The following UST variants were observed in gnomAD, a reference collection of about 807,000 sequenced individuals.
UST encodes the protein chondroitin sulfate 2-O-sulfotransferase.
In UST, 21 loss-of-function variants were observed where a neutral mutation model predicts 45.6. That is an observed-to-expected ratio of 0.46 (90% CI 0.33 to 0.66). UST has a LOEUF of 0.66. Among genes scored for constraint, UST ranks in the 30% least tolerant of loss-of-function variants. The pLI is 0.02. For missense variants in UST, 463 were observed against 512.4 expected (o/e 0.90, Z 0.93); for synonymous variants, 215 against 200.6 (o/e 1.07, Z -0.61).
At chr6:148,885,375 A>C (rs1022804793) in intron 1 of UST, among the ~76,000 whole-genome samples, 2 of 152,176 alleles carry the variant, frequency 1.3e-5, no homozygotes, top group Non-Finnish European at 2.9e-5. Flanking sequence ...AGGCACAGGC[A>C]GCTATTTTTC....
intron 5 of UST, among the ~76,000 whole-genome samples, chr6:148,977,299 A>T (rs757772021): frequency 0.027 from 4,035 of 151,940 alleles, 139 homozygotes; most frequent in African/African-American, 0.082. Flanking sequence ...ACATAGTTTT[A>T]TTATGTAATA....
intron 7 of UST, among the ~76,000 whole-genome samples, chr6:149,033,856 A>G (rs543196149): frequency 6.6e-6 from 1 of 152,358 alleles, no homozygotes; most frequent in East Asian, 1.9e-4. Flanking sequence ...AAATAGTCCT[A>G]TAAGATGTAT....
intron 7 of UST, among the ~76,000 whole-genome samples, chr6:149,044,319 C>T (rs1480154376): frequency 6.6e-6 from 1 of 150,950 alleles, no homozygotes; most frequent in Non-Finnish European, 1.5e-5. Flanking sequence ...TTTTTCATTT[C>T]AAAAAAAAAC....
intron 3 of UST, among the ~76,000 whole-genome samples, chr6:148,942,630 A>G (rs1203460248): frequency 6.6e-6 from 1 of 152,198 alleles, no homozygotes; most frequent in Non-Finnish European, 1.5e-5. Flanking sequence ...TTCTTTGGAC[A>G]TAATCTCCAG....
At chr6:148,952,189 T>C (rs964389351) in intron 3 of UST, among the ~76,000 whole-genome samples, 3 of 152,216 alleles carry the variant, frequency 2.0e-5, no homozygotes, top group African/African-American at 7.2e-5. Context: ...ATAAATTACC[T>C]ATGGTTATGT....
At chr6:148,809,713 C>G (rs907629705) in intron 1 of UST, among the ~76,000 whole-genome samples, 3 of 152,158 alleles carry the variant, frequency 2.0e-5, no homozygotes, top group African/African-American at 7.2e-5. Flanking sequence ...CTTTTGAATA[C>G]CTTTGCCATT....
chr6:148,893,646 GCCACAGA>G (rs1348398371), intron 2 of UST, among the ~76,000 whole-genome samples: 5 of 152,150 alleles, frequency 3.3e-5, no homozygotes, highest in African/African-American at 1.2e-4. Flanking sequence ...AGGCTGTCAG[GCCACAGA>G]ATGCACAGTC....
chr6:149,049,550 A>T (rs984199296), intron 7 of UST, among the ~76,000 whole-genome samples: 1 of 152,232 alleles, frequency 6.6e-6, no homozygotes. Context: ...ATTTTAAATT[A>T]TGGGAAAAGC....
intron 2 of UST, among the ~76,000 whole-genome samples, chr6:148,933,889 C>T (rs909643767): frequency 2.0e-5 from 3 of 152,092 alleles, no homozygotes; most frequent in African/African-American, 4.8e-5. Context: ...CCAAGGTGTC[C>T]AAAATAAAAC....
chr6:148,918,462 T>C (rs1451015279), intron 2 of UST, among the ~76,000 whole-genome samples: 1 of 152,270 alleles, frequency 6.6e-6, no homozygotes, highest in African/African-American at 2.4e-5. Context: ...CACCTGAATT[T>C]GTCTGCAGAC....
intron 1 of UST, among the ~76,000 whole-genome samples, chr6:148,879,952 C>CTTTTTTTTTTCTTTTT (rs1582874251): frequency 8.3e-6 from 1 of 119,856 alleles, no homozygotes; most frequent in Non-Finnish European, 1.8e-5. Context: ...TTTTTTTTTT[C>CTTTTTTTTTTCTTTTT]TTTTTTTTTT....
At chr6:148,915,084 G>A (rs9399673) in intron 2 of UST, among the ~76,000 whole-genome samples, 16,922 of 151,994 alleles carry the variant, frequency 0.11, 1,397 homozygotes, top group East Asian at 0.41. Flanking sequence ...CACTAATCCC[G>A]TTTATGCCTC....
intron 7 of UST, among the ~76,000 whole-genome samples, chr6:149,051,279 A>G (rs1776482112): frequency 1.3e-5 from 2 of 152,210 alleles, no homozygotes; most frequent in Non-Finnish European, 2.9e-5. Flanking sequence ...AAGAGGAGAG[A>G]ATTCCACAAC....
At chr6:148,850,943 A>G (rs1183285418) in intron 1 of UST, among the ~76,000 whole-genome samples, 1 of 152,200 alleles carries the variant, frequency 6.6e-6, no homozygotes, top group Admixed American at 6.5e-5. Context: ...TGGAGGGTAG[A>G]GCAAAGCATC....
At chr6:148,857,159 G>A (rs2114794525) in intron 1 of UST, among the ~76,000 whole-genome samples, 1 of 152,120 alleles carries the variant, frequency 6.6e-6, no homozygotes, top group African/African-American at 2.4e-5. Flanking sequence ...CACATTCAGT[G>A]AACAGAACTT....
intron 5 of UST, among the ~76,000 whole-genome samples, chr6:149,007,465 T>C (rs1775736187): frequency 3.1e-5 from 1 of 32,078 alleles, no homozygotes; most frequent in Non-Finnish European, 6.0e-5. Flanking sequence ...TTTTTTGTAT[T>C]TTTTTTTTTT....
intron 7 of UST, among the ~76,000 whole-genome samples, chr6:149,033,486 A>G (rs1429583036): frequency 6.6e-6 from 1 of 152,258 alleles, no homozygotes; most frequent in Non-Finnish European, 1.5e-5. Flanking sequence ...GTGAAAGAAT[A>G]CAGCAAAAAG....
intron 7 of UST, among the ~76,000 whole-genome samples, chr6:149,042,960 T>C (rs1776336961): frequency 3.3e-5 from 1 of 30,330 alleles, no homozygotes; most frequent in Non-Finnish European, 7.0e-5. Flanking sequence ...CATCCTTTTC[T>C]TTCTTTCTTT....
intron 1 of UST, among the ~76,000 whole-genome samples, chr6:148,881,023 C>T (rs1484699541): frequency 2.0e-5 from 3 of 149,556 alleles, no homozygotes; most frequent in Non-Finnish European, 3.0e-5. Context: ...AACCAGACTC[C>T]GTCTAAAAAA....
Sources: gnomAD v4.1 joint callset for allele counts (sites outside exome capture counted in the v4.1 genomes callset) on GRCh38, gnomAD v4.1.1 for gene constraint, MANE v1.5 for transcripts, NCBI Gene and HGNC (gene_info 2026-07-23, HGNC 2026-07-21) for gene names.